The following PRMT8 variants were observed in gnomAD, a reference collection of about 807,000 sequenced individuals.
PRMT8 encodes the protein protein arginine methyltransferase 8.
PRMT8 carries 7 observed loss-of-function variants against 47.1 expected under a neutral mutation model. The ratio of observed to expected loss-of-function variants is 0.15; its 90% CI spans 0.08 to 0.28. The LOEUF (loss-of-function observed/expected upper bound fraction) is 0.28, where lower values mean the gene tolerates loss of function less well. Among genes scored for constraint, PRMT8 ranks in the 10% least tolerant of loss-of-function variants. The pLI, the probability that PRMT8 is intolerant of heterozygous loss-of-function variation, is 1.00. For synonymous variants in PRMT8, 188 were observed against 186.5 expected (o/e 1.01, Z -0.07); for missense variants, 237 against 505.4 (o/e 0.47, Z 5.09).
intron 1 of PRMT8, chr12:3,462,864 G>C (rs1396647181): frequency 6.6e-6 from 1 of 152,014 alleles, no homozygotes; most frequent in Non-Finnish European, 1.5e-5. Context: ...AGACAGACCT[G>C]GCTAGTCCTT....
At chr12:3,526,080 A>G (rs898224688) in intron 1 of PRMT8, among the ~76,000 whole-genome samples, 4 of 152,104 alleles carry the variant, frequency 2.6e-5, no homozygotes, top group African/African-American at 9.7e-5. Context: ...TGTCTGTATA[A>G]TTCTGACGAT....
chr12:3,542,376 T>C (rs933409198), intron 2 of PRMT8, among the ~76,000 whole-genome samples: 1 of 152,210 alleles, frequency 6.6e-6, no homozygotes, highest in African/African-American at 2.4e-5. Flanking sequence ...GATGAACTCT[T>C]ACCCCTTCCT....
chr12:3,586,859 G>A (rs910339928), intron 8 of PRMT8, among the ~76,000 whole-genome samples: 1 of 152,216 alleles, frequency 6.6e-6, no homozygotes, highest in African/African-American at 2.4e-5. Flanking sequence ...TCTGGCTGAC[G>A]TAGATCCCTC....
chr12:3,424,731 C>T (rs1414804191), intron 1 of PRMT8, among the ~76,000 whole-genome samples: 2 of 152,094 alleles, frequency 1.3e-5, no homozygotes, highest in East Asian at 3.8e-4. Context: ...GAAATAATTT[C>T]CTTTTAGGGT....
chr12:3,387,644 G>T (rs927644437), intron 1 of PRMT8, among the ~76,000 whole-genome samples: 1 of 152,166 alleles, frequency 6.6e-6, no homozygotes, highest in Non-Finnish European at 1.5e-5. Context: ...TGCTTATTAT[G>T]TGCCAAGAAC....
intron 1 of PRMT8, among the ~76,000 whole-genome samples, chr12:3,534,309 G>C (rs1381569239): frequency 6.6e-6 from 1 of 152,262 alleles, no homozygotes; most frequent in Non-Finnish European, 1.5e-5. Context: ...GCTGGTGCCA[G>C]CAGGAGCCAT....
At chr12:3,486,486 C>T (rs1220379205), upstream of PRMT8, among the ~76,000 whole-genome samples, 1 of 151,946 alleles carries the variant, frequency 6.6e-6, no homozygotes, top group East Asian at 1.9e-4. Context: ...ATAAAGTTAA[C>T]AGAAAAAAAT....
chr12:3,424,198 G>A lies in PRMT8; in HGVS notation c.48+42756G>A, dbSNP rs74753872. 2.4e-3 allele frequency among the ~76,000 whole-genome samples: 367 copies of A among 152,214 alleles called. 7 individuals are homozygous for A. The East Asian group carries it at 0.058, about 24-fold the overall frequency. The stretch of plus-strand genomic sequence containing the variant: ...TCTCCTCAAACTAAGATATTTACTC[G>A]AGGATCCAGTCTGGCCCCATCGATT... On this transcript the variant is annotated intron_variant, in intron 1 of 9. Coordinates refer to the PRMT8 transcript ENST00000452611.
intron 1 of PRMT8, among the ~76,000 whole-genome samples, chr12:3,440,805 A>G (rs184836731): frequency 3.3e-4 from 51 of 152,288 alleles, no homozygotes; most frequent in African/African-American, 1.2e-3. Context: ...CAGCAAGAAA[A>G]TGGCAGAATC....
intron 1 of PRMT8, among the ~76,000 whole-genome samples, chr12:3,520,946 A>G (rs1159061817): frequency 6.6e-6 from 1 of 152,246 alleles, no homozygotes. Context: ...AAAGATAGCC[A>G]TAGTTCATGT....
intron 1 of PRMT8, among the ~76,000 whole-genome samples, chr12:3,439,151 A>AT (rs1295936509): frequency 1.3e-5 from 2 of 152,208 alleles, no homozygotes; most frequent in Admixed American, 1.3e-4. Context: ...TTTCATTTAT[A>AT]TTTTTTGTGA....
intron 1 of PRMT8, among the ~76,000 whole-genome samples, chr12:3,517,386 C>A (rs1235022953): frequency 6.6e-6 from 1 of 152,124 alleles, no homozygotes; most frequent in African/African-American, 2.4e-5. Context: ...TTTATGTGGC[C>A]CGCTCTGTCC....
intron 4 of PRMT8, 133 bp from the exon 5 acceptor site, chr12:3,568,573 G>T (rs1247672710): frequency 6.3e-6 from 6 of 955,950 alleles, no homozygotes; most frequent in Middle Eastern, 2.4e-4. Flanking sequence ...TTTGGTAAAG[G>T]GTGAGCTACA....
intron 4 of PRMT8, among the ~76,000 whole-genome samples, chr12:3,561,068 C>T (rs1021465950): frequency 1.3e-5 from 2 of 152,194 alleles, no homozygotes; most frequent in African/African-American, 4.8e-5. Flanking sequence ...TTGCAACCAC[C>T]CAGTCCTGGG....
chr12:3,479,789 G>T (rs1020878109), intron 1 of PRMT8, among the ~76,000 whole-genome samples: 1 of 152,070 alleles, frequency 6.6e-6, no homozygotes, highest in African/African-American at 2.4e-5. Flanking sequence ...AAGGCCTCTT[G>T]GTTCTTGAAC....
chr12:3,381,608 C>T (rs1864092536), intron 1 of PRMT8, among the ~76,000 whole-genome samples: 2 of 152,162 alleles, frequency 1.3e-5, no homozygotes, highest in Admixed American at 6.5e-5. Context: ...CTGGGCTTTG[C>T]GGCTCCACAG....
chr12:3,406,048 A>G (rs1197761413), intron 1 of PRMT8, among the ~76,000 whole-genome samples: 3 of 152,194 alleles, frequency 2.0e-5, no homozygotes, highest in Admixed American at 2.0e-4. Context: ...ATTTCCATAC[A>G]TTTCTGAAAT....
chr12:3,587,597 C>A lies in PRMT8; in HGVS notation c.979+4389C>A, dbSNP rs150976513. Among the ~76,000 whole-genome samples the A allele has an allele frequency of 9.2e-4, 140 of 152,294 alleles. 1 individual carries two copies. The highest frequency in any genetic ancestry group is 3.2e-3 in the African/African-American group (135 of 41,566). ...CCCCACCCCATCCCACCTCCCGTAT[C>A]GCCTCCAGATGAACATTATCCTGAA... is the stretch of plus-strand genomic sequence containing the variant. On this transcript the variant is annotated intron_variant, in intron 8 of 9. Coordinates refer to ENST00000382622, the MANE Select transcript of PRMT8 (RefSeq NM_019854.5).
chr12:3,393,204 G>A (rs559915907), intron 1 of PRMT8, among the ~76,000 whole-genome samples: 1 of 152,246 alleles, frequency 6.6e-6, no homozygotes, highest in South Asian at 2.1e-4. Context: ...CTGTGCAGAA[G>A]CTCTTTAGTT....
Sources: allele counts gnomAD v4.1 joint callset (sites outside exome capture counted in the v4.1 genomes callset), GRCh38; gene constraint gnomAD v4.1.1; transcripts MANE v1.5; gene names NCBI Gene and HGNC (gene_info 2026-07-23, HGNC 2026-07-21).